CAPN14: variants seen among roughly 807,000 people sequenced by gnomAD.
CAPN14 encodes the protein calpain-14.
CAPN14 carries 94 observed loss-of-function variants against 101.3 expected under a neutral mutation model. That is an observed-to-expected ratio of 0.93 (90% confidence interval 0.79 to 1.10). The LOEUF (loss-of-function observed/expected upper bound fraction) is 1.10. CAPN14 is among the 50% of genes least tolerant of loss of function. CAPN14 has a pLI of 0.00. For synonymous variants in CAPN14, 338 were observed against 317.9 expected (o/e 1.06, Z -0.67); for missense variants, 837 against 828.4 (o/e 1.01, Z -0.13).
rs1681518850 is a variant in CAPN14 at position 31,197,338 on chromosome 2, C to T, written c.790-4G>A. ...CAGGTCTATGTTTGCAGGTCACCTG[C>T]ATAAAATGAGAGGCAGTTTAGGTGA... On this transcript the variant is annotated splice_region_variant and splice_polypyrimidine_tract_variant and intron_variant, in intron 7 of 21. Transcript: ENST00000403897. The T allele has an allele frequency of 6.5e-7, 1 of 1,547,268 alleles. No individual in the cohort carries two copies. Among genetic ancestry groups the T allele is most frequent in the Admixed American group, 2.0e-5 (1 of 50,944 alleles).
intron 12 of CAPN14, among the ~76,000 whole-genome samples, chr2:31,190,540 C>A (rs1681126660): frequency 6.6e-6 from 1 of 152,088 alleles, no homozygotes; most frequent in Non-Finnish European, 1.5e-5. Flanking sequence ...TAGCTCTCAT[C>A]CCTTTGTTAT....
chr2:31,186,929 G>C (rs1680927988), intron 15 of CAPN14, among the ~76,000 whole-genome samples: 1 of 152,126 alleles, frequency 6.6e-6, no homozygotes, highest in Admixed American at 6.5e-5. Context: ...GACTTCATTT[G>C]ATAAAAGGAT....
chr2:31,201,098 TGTGTGTGCATGTGC>T (rs928550231), intron 5 of CAPN14, among the ~76,000 whole-genome samples: 6 of 147,084 alleles, frequency 4.1e-5, no homozygotes, highest in Admixed American at 1.4e-4. Context: ...TGTGCATGTG[TGTGTGTGCATGTGC>T]GTGTGTGTGC....
intron 1 of CAPN14, among the ~76,000 whole-genome samples, chr2:31,211,602 T>C (rs1204358945): frequency 3.3e-5 from 5 of 151,668 alleles, no homozygotes; most frequent in Non-Finnish European, 7.4e-5. Flanking sequence ...CATAGATAAA[T>C]ATGCAATGAC....
At chr2:31,221,805 A>G (rs138248448), upstream of CAPN14, among the ~76,000 whole-genome samples, 277 of 152,326 alleles carry the variant, frequency 1.8e-3, no homozygotes, top group East Asian at 0.013. Context: ...ACAAAAGTGA[A>G]TAAGACATTG....
chr2:31,205,292 G>T lies in CAPN14; in HGVS notation c.156C>A (p.Thr52=). ...GGGAGCCACTGCCGATGGAGCTCAG[G>T]GTGGCCGGGAAGCTGGTGTCTTCAA... The part of the protein sequence containing the change: ...CLFEDTSFPA[T]LSSIGSGSLL... Residue 52 remains threonine (T), a synonymous_variant, in exon 2 of 22, where the codon ACC becomes ACA. Transcript: ENST00000403897. The T allele has an allele frequency of 6.4e-7, 1 of 1,550,412 alleles. No individual in the cohort carries two copies. Among genetic ancestry groups the T allele is most frequent in the Non-Finnish European group, 8.7e-7 (1 of 1,146,974 alleles).
chr2:31,202,194 G>A lies in CAPN14; in HGVS notation c.354C>T (p.Ser118=). The change falls in exon 4 of 22, where the codon AGC becomes AGT. Residue 118 remains serine, a synonymous_variant. Coordinates refer to ENST00000403897, the MANE Select transcript of CAPN14 (RefSeq NM_001145122.2). ...QALALHQDIL[S]RVVPLNQSFT... ...AACTCTGATTCAGGGGAACAACCCGGCTCAGGATGTCCTGGTGCAAGGCCA... is the reference window on the plus strand; with the variant it reads ...AACTCTGATTCAGGGGAACAACCCGACTCAGGATGTCCTGGTGCAAGGCCA... 6.4e-7 allele frequency: 1 copy of A among 1,551,796 alleles called. No homozygotes were observed. Among genetic ancestry groups the A allele is most frequent in the Non-Finnish European group, 8.7e-7 (1 of 1,147,016 alleles).
At chr2:31,212,312 CAAAAAAAAAAA>C (rs72155600) in intron 1 of CAPN14, among the ~76,000 whole-genome samples, 1 of 110,440 alleles carries the variant, frequency 9.1e-6, no homozygotes, top group African/African-American at 3.9e-5. Flanking sequence ...CGTCTCAAAA[CAAAAAAAAAAA>C]AAAACAAAAA....
At chr2:31,229,176 C>T (rs999412075) in intron 1 of CAPN14, among the ~76,000 whole-genome samples, 1 of 152,082 alleles carries the variant, frequency 6.6e-6, no homozygotes, top group Non-Finnish European at 1.5e-5. Context: ...GGATAGGGGT[C>T]CCCTCTAGAA....
In CAPN14 at chr2:31,189,480, T is replaced by C. The variant is rs1179636303; in HGVS notation, c.1288-2A>G. The C allele has an allele frequency of 6.4e-7, 1 of 1,550,520 alleles. No individual in the cohort carries two copies. The highest frequency in any genetic ancestry group is 8.7e-7 in the Non-Finnish European group (1 of 1,146,380). On this transcript the variant is annotated splice_acceptor_variant, in intron 12 of 21. Coordinates refer to ENST00000403897, the MANE Select transcript of CAPN14 (RefSeq NM_001145122.2). LOFTEE classifies it high-confidence loss of function. Reference sequence around the variant, plus strand: ...CAGTCTCCTCTGGTCATCATGGTACTGTGGGTAGAGGACAGAAGAACAGCA... The same window carrying C: ...CAGTCTCCTCTGGTCATCATGGTACCGTGGGTAGAGGACAGAAGAACAGCA...
In CAPN14 at chr2:31,176,586, C is replaced by T. The variant is rs1680302033; in HGVS notation, c.2028+1G>A. 6.4e-7 allele frequency: 1 copy of T among 1,551,508 alleles called. No homozygotes were observed. The highest frequency in any genetic ancestry group is 1.7e-4 in the Middle Eastern group (1 of 5,988). On this transcript the variant is annotated splice_donor_variant, in intron 21 of 21. Transcript: ENST00000403897. LOFTEE classifies it high-confidence loss of function. ...AGCCACCTCCTTGGGGCAAGTCTTA[C>T]CTCTGGCTTCTGGAGGTATATCCCT...
chr2:31,225,922 A>G (rs1252771764), intron 2 of CAPN14, among the ~76,000 whole-genome samples: 2 of 152,156 alleles, frequency 1.3e-5, no homozygotes, highest in African/African-American at 2.4e-5. Flanking sequence ...ATAAGAAGAA[A>G]GTGAGAATAT....
At chr2:31,228,777 T>C (rs1438394057) in intron 1 of CAPN14, among the ~76,000 whole-genome samples, 1 of 152,200 alleles carries the variant, frequency 6.6e-6, no homozygotes, top group African/African-American at 2.4e-5. Flanking sequence ...AAAATGCTAT[T>C]GCCATCTTTA....
At chr2:31,226,857 A>C (rs1469659647) in intron 1 of CAPN14, among the ~76,000 whole-genome samples, 1 of 152,096 alleles carries the variant, frequency 6.6e-6, no homozygotes, top group Non-Finnish European at 1.5e-5. Context: ...TTAGAATTCA[A>C]GGGATTTCGG....
chr2:31,193,815 G>A (rs941789745), intron 9 of CAPN14, among the ~76,000 whole-genome samples: 2 of 152,208 alleles, frequency 1.3e-5, no homozygotes, highest in Admixed American at 6.5e-5. Context: ...ACCTTCCAAA[G>A]GGAGAGGGCG....
At chr2:31,226,487 A>G (rs886439575) in intron 2 of CAPN14, 2 of 152,160 alleles carry the variant, frequency 1.3e-5, no homozygotes, top group Non-Finnish European at 1.5e-5. Flanking sequence ...TGCTTCCTCT[A>G]TCTCCCCTGG....
rs371274408 is a variant in CAPN14 at position 31,202,302 on chromosome 2, GA to G, written c.296-51del. Reference sequence around the variant, plus strand: ...TGCATGAATCTACTGGGGACTTTATGACTGCAGAAAATGCCCGGTCCCAATG... The same window carrying G: ...TGCATGAATCTACTGGGGACTTTATGCTGCAGAAAATGCCCGGTCCCAATG... On this transcript the variant is annotated intron_variant, in intron 3 of 21. Transcript: ENST00000403897. 4,003 of 1,441,982 alleles carry G rather than the reference GA, an allele frequency of 2.8e-3. 11 individuals carry two copies. The highest frequency in any genetic ancestry group is 6.3e-3 in the Middle Eastern group (35 of 5,568). 89.3% of individuals were successfully genotyped at this position (1,441,982 alleles called of 1,614,324 possible).
At chr2:31,180,766 ACT>A (rs1680552313) in intron 17 of CAPN14, among the ~76,000 whole-genome samples, 168 bp downstream of exon 17, 1 of 152,130 alleles carries the variant, frequency 6.6e-6, no homozygotes, top group African/African-American at 2.4e-5. Flanking sequence ...AAGTTTCAAC[ACT>A]CTCTCCATGC....
intron 1 of CAPN14, among the ~76,000 whole-genome samples, chr2:31,229,679 CAAAAAAAAAAA>C (rs3031884): frequency 1.0e-5 from 1 of 99,052 alleles, no homozygotes; most frequent in East Asian, 3.2e-4. Flanking sequence ...ACCCTATGTC[CAAAAAAAAAAA>C]AAAAAAAAAG....
Sources: allele counts gnomAD v4.1 joint callset (sites outside exome capture counted in the v4.1 genomes callset), GRCh38; gene constraint gnomAD v4.1.1; transcripts MANE v1.5; gene names NCBI Gene and HGNC (gene_info 2026-07-23, HGNC 2026-07-21).